ASB3: variants seen among roughly 807,000 people sequenced by gnomAD.
The protein encoded by ASB3 is ankyrin repeat and SOCS box protein 3.
ASB3 carries 41 observed loss-of-function variants against 54.5 expected under a neutral mutation model. That is an observed-to-expected ratio of 0.75 (90% CI 0.59 to 0.98). The LOEUF is 0.98. ASB3 is among the 50% of genes least tolerant of loss of function. The pLI, the probability that ASB3 is intolerant of heterozygous loss-of-function variation, is 0.00. For missense variants in ASB3, 733 were observed against 620.0 expected, an observed-to-expected ratio of 1.18 and a Z score of -1.94; for synonymous variants, 266 against 221.2, an observed-to-expected ratio of 1.20 and a Z score of -1.80.
chr2:53,779,404 C>G (rs1674523498), intron 1 of ASB3, among the ~76,000 whole-genome samples: 1 of 152,058 alleles, frequency 6.6e-6, no homozygotes, highest in Non-Finnish European at 1.5e-5. Context: ...CAGATTGTAC[C>G]CAAATAAGAC....
chr2:53,774,438 G>A lies in ASB3; in HGVS notation c.-13-8853C>T, dbSNP rs148747305. ...TTGCAAATTCTATTAGGAACCTTGT[G>A]CCAGAAGAAGCAGATGAGCATCTTT... On this transcript the variant is annotated intron_variant, in intron 1 of 9. Transcript: ENST00000263634. The A allele has an allele frequency of 4.0e-4, 650 of 1,609,318 alleles. 1 individual carries two copies. Among genetic ancestry groups the A allele is most frequent in the Non-Finnish European group, 5.1e-4 (604 of 1,178,850 alleles).
intron 9 of ASB3, among the ~76,000 whole-genome samples, chr2:53,692,248 C>T (rs1336130489): frequency 6.6e-6 from 1 of 152,168 alleles, no homozygotes; most frequent in Non-Finnish European, 1.5e-5. Context: ...TCCCAAACCA[C>T]CTCATCTCCT....
At chr2:53,753,005 T>C (rs866908817) in intron 2 of ASB3, among the ~76,000 whole-genome samples, 3 of 151,838 alleles carry the variant, frequency 2.0e-5, no homozygotes, top group Non-Finnish European at 4.4e-5. Flanking sequence ...TTAAATATTA[T>C]GCCTTACAGC....
intron 1 of ASB3, chr2:53,768,148 G>A: frequency 2.7e-6 from 3 of 1,110,650 alleles, no homozygotes; most frequent in Non-Finnish European, 1.2e-6. Context: ...ATGGCTTGGG[G>A]TAACATTTCT....
chr2:53,748,414 G>C (rs1672342639), intron 3 of ASB3: 1 of 151,850 alleles, frequency 6.6e-6, no homozygotes, highest in South Asian at 2.1e-4. Flanking sequence ...CAGGTGCAGG[G>C]GAAAAAAGAA....
intron 8 of ASB3, among the ~76,000 whole-genome samples, chr2:53,698,148 G>A (rs1431093745): frequency 6.6e-6 from 1 of 152,102 alleles, no homozygotes; most frequent in Non-Finnish European, 1.5e-5. Context: ...AGGAATCCAT[G>A]CCCCCACAGC....
chr2:53,774,399 A>G (rs778260340), intron 1 of ASB3: 54 of 1,613,212 alleles, frequency 3.3e-5, no homozygotes, highest in Middle Eastern at 1.6e-4. Flanking sequence ...GAAATACAGA[A>G]TATCTTTTTG....
chr2:53,724,527 A>T (rs1376896758), intron 5 of ASB3, among the ~76,000 whole-genome samples: 3 of 152,052 alleles, frequency 2.0e-5, no homozygotes, highest in Admixed American at 2.0e-4. Context: ...TGAACCCAGG[A>T]GGCAGAGGTT....
rs76294196 is a variant in ASB3, at chr2:53,764,758, G to C, written c.196+619C>G. Among the ~76,000 whole-genome samples, 1,138 of 152,356 alleles carry C rather than the reference G, an allele frequency of 7.5e-3. 14 individuals are homozygous for C. Among genetic ancestry groups the C allele is most frequent in the African/African-American group, 0.024 (1,016 of 41,584 alleles). On this transcript the variant is annotated intron_variant, in intron 2 of 9. Transcript: ENST00000263634. ...CCCAAGCATGAAGTCACTGAATGCAGAGATGTAAAGAGATGTGCAGTAGCA... is the reference window on the plus strand; with the variant it reads ...CCCAAGCATGAAGTCACTGAATGCACAGATGTAAAGAGATGTGCAGTAGCA...
chr2:53,671,930 T>C (rs1461438942), intron 9 of ASB3, among the ~76,000 whole-genome samples: 1 of 152,176 alleles, frequency 6.6e-6, no homozygotes, highest in African/African-American at 2.4e-5. Flanking sequence ...CAGACCAGGA[T>C]CAGAGCATCA....
intron 3 of ASB3, among the ~76,000 whole-genome samples, chr2:53,742,565 C>T (rs1671994164): frequency 6.6e-6 from 1 of 151,558 alleles, no homozygotes. Flanking sequence ...AAAACAGCAC[C>T]AACACTGAAA....
chr2:53,774,204 C>T, intron 1 of ASB3: 1 of 1,613,846 alleles, frequency 6.2e-7, no homozygotes, highest in Non-Finnish European at 8.5e-7. Flanking sequence ...TAAAAGCATA[C>T]CTTGACTTCA....
chr2:53,702,697 T>C (rs916462139), intron 7 of ASB3, among the ~76,000 whole-genome samples: 4 of 151,684 alleles, frequency 2.6e-5, no homozygotes, highest in Non-Finnish European at 5.9e-5. Flanking sequence ...ATTTTGGGGG[T>C]TTGCACATTT....
chr2:53,763,679 A>G (rs887671311), intron 2 of ASB3: 22 of 169,232 alleles, frequency 1.3e-4, no homozygotes, highest in Middle Eastern at 5.3e-4. Flanking sequence ...TCAGCAGATG[A>G]AAAAAATCTG....
chr2:53,751,728 C>A (rs1672525692), intron 2 of ASB3, among the ~76,000 whole-genome samples: 1 of 152,032 alleles, frequency 6.6e-6, no homozygotes, highest in African/African-American at 2.4e-5. Context: ...AACAAATGCT[C>A]CTAACTAGTT....
At chr2:53,698,248 G>A (rs1405149016) in intron 8 of ASB3, among the ~76,000 whole-genome samples, 1 of 152,116 alleles carries the variant, frequency 6.6e-6, no homozygotes, top group Non-Finnish European at 1.5e-5. Flanking sequence ...GGCCTGTGAT[G>A]GGAGGGACAG....
intron 7 of ASB3, among the ~76,000 whole-genome samples, chr2:53,713,628 T>C (rs1027200606): frequency 6.6e-6 from 1 of 152,176 alleles, no homozygotes. Context: ...AAAAATAATA[T>C]AAAGCCAGGC....
chr2:53,682,038 T>A (rs1275572948), intron 9 of ASB3, among the ~76,000 whole-genome samples: 1 of 151,558 alleles, frequency 6.6e-6, no homozygotes. Context: ...CACATGCCTG[T>A]AACCCCAGCT....
At chr2:53,697,289 C>A (rs1669237508) in intron 8 of ASB3, among the ~76,000 whole-genome samples, 1 of 152,212 alleles carries the variant, frequency 6.6e-6, no homozygotes, top group South Asian at 2.1e-4. Context: ...CACCCCTTTC[C>A]TGGAAAATTC....
Sources: allele counts gnomAD v4.1 joint callset (sites outside exome capture counted in the v4.1 genomes callset), GRCh38; gene constraint gnomAD v4.1.1; transcripts MANE v1.5; gene names NCBI Gene and HGNC (gene_info 2026-07-23, HGNC 2026-07-21).